FAAH: variants seen among roughly 807,000 people sequenced by gnomAD.
FAAH encodes fatty-acid amide hydrolase 1.
A neutral mutation model predicts 69.7 loss-of-function variants in FAAH; 63 were observed. That is an observed-to-expected ratio of 0.90 (90% CI 0.74 to 1.12). The LOEUF (loss-of-function observed/expected upper bound fraction) is 1.12, where lower values mean the gene tolerates loss of function less well. Ranked by LOEUF, FAAH falls within the 50% of genes most tolerant of loss-of-function variation. FAAH has a pLI of 0.00. For missense variants in FAAH, 680 were observed against 755.0 expected (o/e 0.90, Z 1.16); for synonymous variants, 305 against 324.2 (o/e 0.94, Z 0.64).
At chr1:46,407,219 G>C (rs1664816358) in intron 7 of FAAH, among the ~76,000 whole-genome samples, 1 of 152,138 alleles carries the variant, frequency 6.6e-6, no homozygotes, top group African/African-American at 2.4e-5. Context: ...GTCTTGCAAA[G>C]CCTTAGGATC....
In FAAH at chr1:46,411,081, G is replaced by A. The variant is rs1354017031; in HGVS notation, c.1316+227G>A. Among the ~76,000 whole-genome samples, 3 of 152,126 alleles carry A rather than the reference G, an allele frequency of 2.0e-5. No individual in the cohort carries two copies. The highest frequency in any genetic ancestry group is 6.5e-5 in the Admixed American group (1 of 15,284). ...GCCTGAGGGGGACAAGAGGATGGGG[G>A]AGTTGGAGGGGAGGAGGTTGACCTG... On this transcript the variant is annotated intron_variant, in intron 11 of 14. Coordinates refer to ENST00000243167, the MANE Select transcript of FAAH (RefSeq NM_001441.3). The surrounding 1 kb of genome is among the most constrained non-coding windows in gnomAD (Gnocchi z 4.8).
In FAAH at chr1:46,405,526, G is replaced by A. The variant is rs759335549; in HGVS notation, c.578+21G>A. 3 of 1,612,462 alleles carry A rather than the reference G, an allele frequency of 1.9e-6. No homozygotes were observed. The highest frequency in any genetic ancestry group is 1.7e-5 in the Admixed American group (1 of 59,978). On this transcript the variant is annotated intron_variant, in intron 4 of 14. Coordinates refer to ENST00000243167, the MANE Select transcript of FAAH (RefSeq NM_001441.3). The surrounding 1 kb of genome is among the most constrained non-coding windows in gnomAD (Gnocchi z 4.1). Reference sequence around the variant, plus strand: ...TTCAGGTTGGGTCTTGGGGTGGGGCGGGGCGGGGCAGGGGCACCGGTCCCA... The same window carrying A: ...TTCAGGTTGGGTCTTGGGGTGGGGCAGGGCGGGGCAGGGGCACCGGTCCCA...
intron 1 of FAAH, among the ~76,000 whole-genome samples, chr1:46,396,116 A>G (rs1326540277): frequency 6.6e-6 from 1 of 152,138 alleles, no homozygotes; most frequent in Admixed American, 6.5e-5. Flanking sequence ...AAGGGTCAAC[A>G]GGAAAACATG....
chr1:46,401,729 G>A (rs1204154230), intron 1 of FAAH, among the ~76,000 whole-genome samples: 2 of 152,174 alleles, frequency 1.3e-5, no homozygotes, highest in African/African-American at 4.8e-5. Flanking sequence ...AGCCACTGCT[G>A]GTGTATATTT....
At chr1:46,408,732 G>C in intron 8 of FAAH, 148 bp downstream of exon 8, 1 of 1,254,576 alleles carries the variant, frequency 8.0e-7, no homozygotes, top group Non-Finnish European at 1.2e-6. Context: ...CAAGTATATA[G>C]AGGGCTGATC....
chr1:46,405,209 C>T lies in FAAH; in HGVS notation c.444+61C>T, dbSNP rs1664769699. 6.2e-7 allele frequency: 1 copy of T among 1,613,118 alleles called. No individual in the cohort carries two copies. Among genetic ancestry groups the T allele is most frequent in the Non-Finnish European group, 8.5e-7 (1 of 1,179,990 alleles). ...CCTCCATCCCTGCCAGCCTGCTCTGCATCTTGGGTCATTTTGGGCCCTTAG... is the reference window on the plus strand; with the variant it reads ...CCTCCATCCCTGCCAGCCTGCTCTGTATCTTGGGTCATTTTGGGCCCTTAG... On this transcript the variant is annotated intron_variant, in intron 3 of 14. Coordinates refer to ENST00000243167, the MANE Select transcript of FAAH (RefSeq NM_001441.3). The surrounding 1 kb of genome is among the most constrained non-coding windows in gnomAD (Gnocchi z 4.1).
rs924401228 is a variant in FAAH at position 46,410,587 on chromosome 1, C to T, written c.1275+90C>T. The T allele has an allele frequency of 3.0e-6, 4 of 1,318,788 alleles. No individual in the cohort carries two copies. Among genetic ancestry groups the T allele is most frequent in the Non-Finnish European group, 3.3e-6 (3 of 919,316 alleles). The allele number at this position is 1,318,788 out of a possible 1,614,324, so 81.7% of individuals were successfully genotyped here. On this transcript the variant is annotated intron_variant, in intron 10 of 14. Coordinates refer to ENST00000243167, the MANE Select transcript of FAAH (RefSeq NM_001441.3). The surrounding 1 kb of genome is among the most constrained non-coding windows in gnomAD (Gnocchi z 4.9). ...GATCCCCCATGGCCTCCCTCAGCCT[C>T]TCTTGGTTTGGGCAGGCATGGCCTC... is the stretch of plus-strand genomic sequence containing the variant.
chr1:46,400,525 G>C (rs1664679267), intron 1 of FAAH, among the ~76,000 whole-genome samples: 2 of 151,916 alleles, frequency 1.3e-5, no homozygotes, highest in Non-Finnish European at 2.9e-5. Flanking sequence ...GATGCAGGTG[G>C]TGGTGGGAAG....
rs1183811564 is a variant in FAAH at position 46,410,536 on chromosome 1, G to C, written c.1275+39G>C. ...GAGTGGAGGGGCTAGGATGGCTGGGGGGGAACCTAGGGCCTCCTATCGCAT... is the reference window on the plus strand; with the variant it reads ...GAGTGGAGGGGCTAGGATGGCTGGGCGGGAACCTAGGGCCTCCTATCGCAT... On this transcript the variant is annotated intron_variant, in intron 10 of 14. Transcript: ENST00000243167. This position sits in a 1 kb window ranked among gnomAD's most constrained non-coding sequence, Gnocchi z 4.9. 1 of 1,560,964 alleles carries C rather than the reference G, an allele frequency of 6.4e-7. No homozygotes were observed. The highest frequency in any genetic ancestry group is 1.1e-5 in the South Asian group (1 of 89,906).
rs1487008607 is a variant in FAAH at position 46,413,063 on chromosome 1, A to G, written c.1466-12A>G. On this transcript the variant is annotated splice_polypyrimidine_tract_variant and intron_variant, in intron 13 of 14. Coordinates refer to ENST00000243167, the MANE Select transcript of FAAH (RefSeq NM_001441.3). ...CTCAGGGCCTGCTGCAGCTGCCTGT[A>G]ATGTGTTCCAGGGGCCGTCAGCTAC... 6.2e-7 allele frequency: 1 copy of G among 1,614,026 alleles called. No homozygotes were observed. The highest frequency in any genetic ancestry group is 1.1e-5 in the South Asian group (1 of 91,046).
At chr1:46,397,904 G>A (rs898858428) in intron 1 of FAAH, among the ~76,000 whole-genome samples, 2 of 148,898 alleles carry the variant, frequency 1.3e-5, no homozygotes, top group South Asian at 2.1e-4. Flanking sequence ...AAACGGTTTC[G>A]TCATGTTGGC....
At position 46,404,520 on chromosome 1, in the gene FAAH, A is replaced by G. The variant is rs74861958; in HGVS notation, c.310-494A>G. Among the ~76,000 whole-genome samples the G allele has an allele frequency of 6.5e-3, 997 of 152,296 alleles. 10 individuals carry two copies. The highest frequency in any genetic ancestry group is 0.034 in the Middle Eastern group (10 of 292). ...GTAAGGGGAGGCTTGACTGGGCTAC[A>G]TGTGGGGAAGGCGTGGGGTTGAGGA... On this transcript the variant is annotated intron_variant, in intron 2 of 14. Coordinates refer to ENST00000243167, the MANE Select transcript of FAAH (RefSeq NM_001441.3). This position sits in a 1 kb window ranked among gnomAD's most constrained non-coding sequence, Gnocchi z 4.5.
Position 46,406,229 on chromosome 1 carries a change from C to T in FAAH, c.827-15C>T. 1.2e-6 allele frequency: 2 copies of T among 1,614,060 alleles called. No individual in the cohort carries two copies. Among genetic ancestry groups the T allele is most frequent in the Non-Finnish European group, 1.7e-6 (2 of 1,180,046 alleles). ...CTCCTTGTCTGCTTACCTCCCTCAC[C>T]TCTCTGCCCCACAGTGCGTCTCTCC... On this transcript the variant is annotated splice_polypyrimidine_tract_variant and intron_variant, in intron 6 of 14. Transcript: ENST00000243167.
rs1377576995 is a variant in FAAH, at chr1:46,405,674, G to A, written c.665G>A (p.Gly222Glu). 1 of 1,613,562 alleles carries A rather than the reference G, an allele frequency of 6.2e-7. No individual in the cohort carries two copies. The highest frequency in any genetic ancestry group is 1.1e-5 in the South Asian group (1 of 91,078). ...KSPGGSSGGE[G>E]ALIGSGGSPL... is the part of the protein sequence containing the mutation. The stretch of plus-strand genomic sequence containing the variant: ...CCAGGGGGCTCCTCAGGGGGTGAAG[G>A]GGCCCTCATCGGGTCTGGAGGCTCC... The change falls in exon 5 of 15, where the codon GGG becomes GAG. Residue 222 changes from glycine to glutamate, a missense_variant. Coordinates refer to ENST00000243167, the MANE Select transcript of FAAH (RefSeq NM_001441.3). This position sits in a 1 kb window ranked among gnomAD's most constrained non-coding sequence, Gnocchi z 4.1.
chr1:46,394,654 T>A, intron 1 of FAAH, 111 bp downstream of exon 1: 1 of 930,884 alleles, frequency 1.1e-6, no homozygotes, highest in Non-Finnish European at 1.4e-6. Flanking sequence ...AGCAGATGTG[T>A]AACTCTCCAG....
Position 46,409,163 on chromosome 1 carries a change from C to T in FAAH, c.1140C>T (p.Leu380=), listed in dbSNP as rs755996635. The part of the protein sequence containing the change: ...HALETLSTGG[L]FSDGGHTFLQ... The stretch of plus-strand genomic sequence containing the variant: ...TGGAGACCCTGTCAACAGGTGGGCT[C>T]TTCAGTGATGGTGGCCACACCTTCC... The change falls in exon 9 of 15, where the codon CTC becomes CTT. Residue 380 remains leucine, a synonymous_variant. Transcript: ENST00000243167. 12 of 1,614,016 alleles carry T rather than the reference C, an allele frequency of 7.4e-6. No homozygotes were observed. The highest frequency in any genetic ancestry group is 1.7e-5 in the Admixed American group (1 of 60,014).
intron 1 of FAAH, among the ~76,000 whole-genome samples, chr1:46,401,095 G>GGAGGGAAGAGGGGGAAGTGGA (rs1664695054): frequency 2.1e-5 from 2 of 95,172 alleles, no homozygotes; most frequent in African/African-American, 8.4e-5. Flanking sequence ...GGGGAAGTGG[G>GGAGGGAAGAGGGGGAAGTGGA]GAGGGGAGGA....
intron 1 of FAAH, among the ~76,000 whole-genome samples, chr1:46,397,335 A>G (rs1473943744): frequency 6.6e-6 from 1 of 152,188 alleles, no homozygotes; most frequent in Non-Finnish European, 1.5e-5. Flanking sequence ...CAGCATCTAT[A>G]TGGTTTTCCT....
chr1:46,394,678 C>T (rs1664565742), intron 1 of FAAH, 135 bp downstream of exon 1: 2 of 781,964 alleles, frequency 2.6e-6, no homozygotes, highest in African/African-American at 1.8e-5. Context: ...CTCTCCTTGC[C>T]CTAAGATATT....
Sources: gnomAD v4.1 joint callset for allele counts (sites outside exome capture counted in the v4.1 genomes callset) on GRCh38, gnomAD v4.1.1 for gene constraint, Gnocchi (gnomAD v3.1) non-coding constraint, MANE v1.5 for transcripts, NCBI Gene and HGNC (gene_info 2026-07-23, HGNC 2026-07-21) for gene names.